Variants in LRPPRC observed in about 807,000 individuals in gnomAD.
LRPPRC encodes the protein leucine-rich PPR motif-containing protein, mitochondrial.
In LRPPRC, 120 loss-of-function variants were observed where a neutral mutation model predicts 180.3. The observed-to-expected ratio is 0.67, with a 90% CI of 0.57 to 0.77. LRPPRC has a LOEUF of 0.77. LRPPRC is among the 30% of genes least tolerant of loss of function. The pLI is 0.00. For synonymous variants in LRPPRC, 723 were observed against 600.0 expected (o/e 1.21, Z -3.00); for missense variants, 2,012 against 1,657.2 (o/e 1.21, Z -3.72).
At chr2:43,993,461 A>T (rs1674875914) in intron 1 of LRPPRC, among the ~76,000 whole-genome samples, 1 of 152,204 alleles carries the variant, frequency 6.6e-6, no homozygotes, top group Non-Finnish European at 1.5e-5. Context: ...AGTGGATAGG[A>T]AAGTGAATGA....
In LRPPRC at chr2:43,946,195, C is replaced by T. The variant is rs966610268; in HGVS notation, c.2128G>A (p.Val710Ile). Residue 710 changes from valine to isoleucine, a missense_variant, in exon 21 of 38, where the codon GTT becomes ATT. By Grantham distance (29) the Val-to-Ile change is conservative (BLOSUM62 3). Coordinates refer to ENST00000260665, the MANE Select transcript of LRPPRC (RefSeq NM_133259.4). The part of the protein sequence containing the change: ...ELKAKYESDM[V>I]TGGYAALINL... ...ATTAAAGCTGCATAGCCACCAGTAA[C>T]CATGTCGGATTCATATTTTGCTTTC... 1.9e-6 allele frequency: 3 copies of T among 1,611,094 alleles called. No homozygotes were observed. The African/African-American group carries it at 4.0e-5, about 21-fold the overall frequency.
chr2:43,962,477 C>T (rs1403128684), intron 12 of LRPPRC, among the ~76,000 whole-genome samples: 1 of 152,184 alleles, frequency 6.6e-6, no homozygotes, highest in Non-Finnish European at 1.5e-5. Context: ...TCTTAAACAA[C>T]ATGTTCCTTA....
In LRPPRC at chr2:43,950,569, T is replaced by C. The variant is rs1558996430; in HGVS notation, c.1677+4A>G. 2 of 1,612,916 alleles carry C rather than the reference T, an allele frequency of 1.2e-6. No homozygotes were observed. The highest frequency in any genetic ancestry group is 1.7e-5 in the Admixed American group (1 of 60,016). ...TTATGATTTGCAATATTAGAGGGAC[T>C]TACCTCGCTCCAAAGATTTATATTC... On this transcript the variant is annotated splice_donor_region_variant and intron_variant, in intron 15 of 37. Coordinates refer to ENST00000260665, the MANE Select transcript of LRPPRC (RefSeq NM_133259.4).
At chr2:43,893,429 T>C (rs550872963) in intron 36 of LRPPRC, among the ~76,000 whole-genome samples, 53 of 152,318 alleles carry the variant, frequency 3.5e-4, no homozygotes, top group African/African-American at 1.2e-3. Context: ...TTAAGACATC[T>C]CAACCTTTAG....
At position 43,973,786 on chromosome 2, in the gene LRPPRC, A is replaced by C; in HGVS notation, c.1261+9T>G. On this transcript the variant is annotated intron_variant, in intron 10 of 37. Transcript: ENST00000260665. ...TCCTTACTTGGCTTTAACTTTAAGA[A>C]TGTAGTACCAGTTTTATTGGCGAGT... 3 of 1,609,216 alleles carry C rather than the reference A, an allele frequency of 1.9e-6. No individual in the cohort carries two copies. Among genetic ancestry groups the C allele is most frequent in the Admixed American group, 1.7e-5 (1 of 60,018 alleles).
chr2:43,996,263 C>T (rs531930854), upstream of LRPPRC, among the ~76,000 whole-genome samples: 50 of 152,340 alleles, frequency 3.3e-4, no homozygotes, highest in African/African-American at 1.2e-3. Flanking sequence ...AAGAGGTCAA[C>T]TCCTCCCAGG....
chr2:43,972,256 C>T (rs1673854679), intron 11 of LRPPRC, among the ~76,000 whole-genome samples: 1 of 152,156 alleles, frequency 6.6e-6, no homozygotes, highest in African/African-American at 2.4e-5. Flanking sequence ...TTCAGTACAG[C>T]ACTTTTAAAA....
chr2:43,917,992 C>A (rs759809230), intron 29 of LRPPRC, 33 bp downstream of exon 29: 3 of 1,410,000 alleles, frequency 2.1e-6, no homozygotes, highest in South Asian at 2.3e-5. Flanking sequence ...AGACCACCCC[C>A]CCACACACAC....
chr2:43,954,121 G>C (rs1673010334), intron 14 of LRPPRC, among the ~76,000 whole-genome samples: 1 of 152,038 alleles, frequency 6.6e-6, no homozygotes, highest in Non-Finnish European at 1.5e-5. Flanking sequence ...AAACTCCTTT[G>C]ACTCCTTCCA....
At chr2:43,942,716 T>C (rs1465272571) in intron 23 of LRPPRC, among the ~76,000 whole-genome samples, 2 of 152,024 alleles carry the variant, frequency 1.3e-5, no homozygotes, top group African/African-American at 4.8e-5. Context: ...AAAATACATA[T>C]TTTATTTTTC....
intron 14 of LRPPRC, among the ~76,000 whole-genome samples, chr2:43,956,232 C>A (rs150406492): frequency 9.9e-5 from 15 of 152,052 alleles, no homozygotes; most frequent in African/African-American, 3.4e-4. Flanking sequence ...GCAATCAAAT[C>A]CAATGCATCA....
chr2:43,932,514 C>G (rs1254916649), intron 25 of LRPPRC, among the ~76,000 whole-genome samples: 1 of 152,146 alleles, frequency 6.6e-6, no homozygotes, highest in Non-Finnish European at 1.5e-5. Context: ...GACAGCCATT[C>G]CTAAATGTGG....
At chr2:43,965,037 G>A (rs1035235420) in intron 11 of LRPPRC, among the ~76,000 whole-genome samples, 22 of 152,048 alleles carry the variant, frequency 1.4e-4, no homozygotes, top group South Asian at 6.2e-4. Context: ...AATATTGCTC[G>A]GTCGCCCAAG....
intron 12 of LRPPRC, among the ~76,000 whole-genome samples, chr2:43,963,096 A>G (rs925175996): frequency 6.6e-6 from 1 of 152,240 alleles, no homozygotes; most frequent in Non-Finnish European, 1.5e-5. Flanking sequence ...TTGAGTTTTG[A>G]AAGTTTAACC....
At chr2:43,919,882 C>G (rs1040062219) in intron 27 of LRPPRC, among the ~76,000 whole-genome samples, 1 of 151,678 alleles carries the variant, frequency 6.6e-6, no homozygotes, top group South Asian at 2.1e-4. Flanking sequence ...TTTTACAGCA[C>G]AAATGTTCCA....
In LRPPRC at chr2:43,947,857, G is replaced by C. The variant is rs1672748320; in HGVS notation, c.1921-82C>G. The C allele has an allele frequency of 1.6e-5, 14 of 887,766 alleles. No individual in the cohort carries two copies. In the Admixed American group the frequency reaches 2.4e-4, roughly 15 times the overall value. 55.0% of individuals were successfully genotyped at this position (887,766 alleles called of 1,614,324 possible). A position where few individuals can be genotyped will look rare whatever the true frequency, so the allele number is the denominator to read the frequency against. On this transcript the variant is annotated intron_variant, in intron 18 of 37. Transcript: ENST00000260665. ...GCAAACATCAAAAGCAAATTTGTAA[G>C]TCTCACCTCATATTACTACTTTTCA...
At chr2:43,970,322 C>T (rs1285079117) in intron 11 of LRPPRC, among the ~76,000 whole-genome samples, 2 of 152,134 alleles carry the variant, frequency 1.3e-5, no homozygotes, top group African/African-American at 4.8e-5. Context: ...AACCTGGGAT[C>T]CCACCTTCTG....
intron 9 of LRPPRC, 33 bp from the exon 10 acceptor site, chr2:43,973,933 T>C: frequency 7.6e-7 from 1 of 1,310,256 alleles, no homozygotes; most frequent in Non-Finnish European, 1.1e-6. Flanking sequence ...TTAGCTGGAT[T>C]GGCAAACACC....
rs758670949 is a variant in LRPPRC, at chr2:43,943,775, T to C, written c.2416A>G (p.Lys806Glu). 1 of 1,613,578 alleles carries C rather than the reference T, an allele frequency of 6.2e-7. No individual in the cohort carries two copies. The highest frequency in any genetic ancestry group is 8.5e-7 in the Non-Finnish European group (1 of 1,179,504). ...AALRGEIETV[K>E]QLHEAIVTLG... The stretch of plus-strand genomic sequence containing the variant: ...GTCACGATGGCTTCATGCAACTGTT[T>C]TACTGTTTCAATTTCACCTCTTAAA... The change falls in exon 23 of 38, where the codon AAA becomes GAA. Residue 806 changes from lysine (K) to glutamate (E), a missense_variant. By Grantham distance (56) the Lys-to-Glu change is moderately conservative (BLOSUM62 1). Coordinates refer to ENST00000260665, the MANE Select transcript of LRPPRC (RefSeq NM_133259.4).
Sources: allele counts gnomAD v4.1 joint callset (sites outside exome capture counted in the v4.1 genomes callset), GRCh38; gene constraint gnomAD v4.1.1; transcripts MANE v1.5; gene names NCBI Gene and HGNC (gene_info 2026-07-23, HGNC 2026-07-21).